Variants in DYNC2H1 observed in about 807,000 individuals in gnomAD.
DYNC2H1 encodes the protein cytoplasmic dynein 2 heavy chain 1.
Under a neutral mutation model 570.0 loss-of-function variants are expected in DYNC2H1, and 410 were observed. The observed-to-expected ratio is 0.72, with a 90% CI of 0.66 to 0.78. The LOEUF (loss-of-function observed/expected upper bound fraction) is 0.78. Among genes scored for constraint, DYNC2H1 ranks in the 30% least tolerant of loss-of-function variants. The pLI, the probability that DYNC2H1 is intolerant of heterozygous loss-of-function variation, is 0.00. For missense variants in DYNC2H1, 4,865 were observed against 5,046.4 expected (o/e 0.96, Z 1.09); for synonymous variants, 1,688 against 1,677.6 (o/e 1.01, Z -0.15).
chr11:103,173,958 T>C, intron 35 of DYNC2H1, 97 bp from the exon 36 acceptor site: 1 of 781,486 alleles, frequency 1.3e-6, no homozygotes, highest in East Asian at 2.7e-5. Flanking sequence ...CATTCATTTC[T>C]ATGTGTCAGT....
chr11:103,245,259 C>A lies in DYNC2H1; in HGVS notation c.9927C>A (p.Asn3309Lys). Residue 3309 changes from asparagine (N) to lysine (K), a missense_variant, in exon 65 of 89, where the codon AAC (asparagine) becomes AAA (lysine). Transcript: ENST00000375735. The surrounding 1 kb of genome is among the most constrained non-coding windows in gnomAD (Gnocchi z 4.5). ...RLEVINQQDS[N>K]FITALELAVR... ...CTTTTTTATTCAATTAGGATAGTAA[C>A]TTTATCACAGCTCTTGAATTAGCAG... 6.5e-7 allele frequency: 1 copy of A among 1,538,948 alleles called. No individual in the cohort carries two copies. The highest frequency in any genetic ancestry group is 8.8e-7 in the Non-Finnish European group (1 of 1,138,750).
chr11:103,399,833 A>C lies in DYNC2H1; in HGVS notation c.12327A>C (p.Ser4109=). ...TCAGAGGAACTACTTTACTGAGTTCAGAAGTACAAAAATTGGCAAGTGCTT... is the reference window on the plus strand; with the variant it reads ...TCAGAGGAACTACTTTACTGAGTTCCGAAGTACAAAAATTGGCAAGTGCTT... ...KVIRGTTLLS[S]EVQKLASALL... is the part of the protein sequence containing the mutation. The change falls in exon 84 of 89, where the codon TCA becomes TCC. Residue 4109 remains serine, a synonymous_variant. Coordinates refer to ENST00000375735, the MANE Select transcript of DYNC2H1 (RefSeq NM_001377.3). The C allele has an allele frequency of 6.2e-7, 1 of 1,613,888 alleles. No individual in the cohort carries two copies. Among genetic ancestry groups the C allele is most frequent in the Non-Finnish European group, 8.5e-7 (1 of 1,179,846 alleles).
At chr11:103,388,488 C>T (rs1341336657) in intron 83 of DYNC2H1, among the ~76,000 whole-genome samples, 1 of 152,170 alleles carries the variant, frequency 6.6e-6, no homozygotes, top group African/African-American at 2.4e-5. Context: ...AATTGAATAT[C>T]CTTTATTTCC....
At chr11:103,417,893 G>A (rs1943345129) in intron 84 of DYNC2H1, among the ~76,000 whole-genome samples, 1 of 147,092 alleles carries the variant, frequency 6.8e-6, no homozygotes, top group Non-Finnish European at 1.5e-5. Flanking sequence ...AAAAAAAATT[G>A]ATCAATGTTA....
In DYNC2H1 at chr11:103,307,704, T is replaced by C. The variant is rs374121825; in HGVS notation, c.11383-17T>C. 4.9e-6 allele frequency: 7 copies of C among 1,441,256 alleles called. No homozygotes were observed. In the African/African-American group the frequency reaches 9.9e-5, roughly 20 times the overall value. The allele number at this position is 1,441,256 out of a possible 1,614,324, so 89.3% of individuals were successfully genotyped here. The stretch of plus-strand genomic sequence containing the variant: ...TATATATTTAAGTAAATTTTTGTCA[T>C]TGGTTTTGTAAACAAGGAATTGAAT... On this transcript the variant is annotated splice_polypyrimidine_tract_variant and intron_variant, in intron 77 of 88. Coordinates refer to ENST00000375735, the MANE Select transcript of DYNC2H1 (RefSeq NM_001377.3).
At chr11:103,195,658 G>A (rs1215172161) in intron 47 of DYNC2H1, among the ~76,000 whole-genome samples, 1 of 152,068 alleles carries the variant, frequency 6.6e-6, no homozygotes, top group African/African-American at 2.4e-5. Flanking sequence ...TAGAATAATC[G>A]TTTCTGAATC....
intron 75 of DYNC2H1, among the ~76,000 whole-genome samples, chr11:103,288,358 C>T (rs1044065555): frequency 1.3e-5 from 2 of 152,094 alleles, no homozygotes; most frequent in Non-Finnish European, 2.9e-5. Flanking sequence ...GCCAAACTGA[C>T]TCCATCTTGC....
At chr11:103,335,374 A>C (rs890016381) in intron 82 of DYNC2H1, among the ~76,000 whole-genome samples, 4 of 152,084 alleles carry the variant, frequency 2.6e-5, no homozygotes, top group Non-Finnish European at 5.9e-5. Context: ...GGAATGTTTC[A>C]ATCAGAAGCT....
intron 83 of DYNC2H1, among the ~76,000 whole-genome samples, chr11:103,386,666 A>G (rs1052177129): frequency 6.6e-6 from 1 of 152,000 alleles, no homozygotes; most frequent in African/African-American, 2.4e-5. Context: ...CCACCCCACA[A>G]CAGGCCCCAG....
chr11:103,116,818 G>A (rs1253793874), intron 5 of DYNC2H1, 104 bp downstream of exon 5: 1 of 1,007,760 alleles, frequency 9.9e-7, no homozygotes, highest in African/African-American at 1.6e-5. Context: ...ATGTAATACT[G>A]TAACTCTTAA....
In DYNC2H1 at chr11:103,395,948, T is replaced by G. The variant is rs909673712; in HGVS notation, c.12157-3715T>G. On this transcript the variant is annotated intron_variant, in intron 83 of 88. Transcript: ENST00000375735. This position sits in a 1 kb window ranked among gnomAD's most constrained non-coding sequence, Gnocchi z 4.3. ...GGTATTTTTCCCTTTTCTTTAACCC[T>G]TACAGATCCACTCCAACTTTGTTTT... Among the ~76,000 whole-genome samples, 2 of 152,202 alleles carry G rather than the reference T, an allele frequency of 1.3e-5. No homozygotes were observed. The highest frequency in any genetic ancestry group is 2.9e-5 in the Non-Finnish European group (2 of 68,034).
chr11:103,220,186 C>A (rs1433371787), intron 56 of DYNC2H1, among the ~76,000 whole-genome samples, 158 bp downstream of exon 56: 1 of 152,064 alleles, frequency 6.6e-6, no homozygotes, highest in African/African-American at 2.4e-5. Flanking sequence ...AGAAGGAAAG[C>A]CTTCCAGGAA....
In DYNC2H1 at chr11:103,156,645, G is replaced by A. The variant is rs886047562; in HGVS notation, c.4002G>A (p.Glu1334=). Residue 1334 remains glutamate (E), a synonymous_variant, in exon 26 of 89, where the codon GAG becomes GAA. Coordinates refer to ENST00000375735, the MANE Select transcript of DYNC2H1 (RefSeq NM_001377.3). Reference sequence around the variant, plus strand: ...CAATTTGGGAAAGAAAACTTGCAGAGTTAGATGAATACCTGCAGAATTTAA... The same window carrying A: ...CAATTTGGGAAAGAAAACTTGCAGAATTAGATGAATACCTGCAGAATTTAA... ...KVSIWERKLA[E]LDEYLQNLNH... is the part of the protein sequence containing the mutation. The A allele has an allele frequency of 2.4e-5, 39 of 1,613,426 alleles. No homozygotes were observed. The highest frequency in any genetic ancestry group is 3.1e-5 in the Non-Finnish European group (37 of 1,179,654).
intron 85 of DYNC2H1, among the ~76,000 whole-genome samples, chr11:103,450,284 G>A (rs630477): frequency 0.36 from 54,171 of 152,070 alleles, 10,240 homozygotes; most frequent in African/African-American, 0.48. Context: ...ACGCCTCTCA[G>A]TAACTGAAAG....
intron 85 of DYNC2H1, among the ~76,000 whole-genome samples, chr11:103,452,544 C>CT (rs879294334): frequency 2.7e-4 from 39 of 145,984 alleles, no homozygotes; most frequent in East Asian, 1.4e-3. Context: ...ATATGGAAAA[C>CT]TTTTTTTTTT....
At chr11:103,221,738 C>T (rs567375884) in intron 57 of DYNC2H1, among the ~76,000 whole-genome samples, 28 of 152,234 alleles carry the variant, frequency 1.8e-4, no homozygotes, top group African/African-American at 6.5e-4. Flanking sequence ...CACCTGTGGT[C>T]CCAGCTACTT....
chr11:103,410,222 G>A (rs1463796435), intron 84 of DYNC2H1, among the ~76,000 whole-genome samples: 3 of 152,094 alleles, frequency 2.0e-5, no homozygotes, highest in African/African-American at 7.2e-5. Context: ...GTGACAGGCA[G>A]TGTGTGTGTG....
At chr11:103,265,021 TC>T (rs1865452664) in intron 70 of DYNC2H1, among the ~76,000 whole-genome samples, 5 of 152,062 alleles carry the variant, frequency 3.3e-5, no homozygotes, top group African/African-American at 1.2e-4. Context: ...TTCAGCAAAG[TC>T]TCAGGATACA....
In DYNC2H1 at chr11:103,133,487, A is replaced by G. The variant is rs1430683391; in HGVS notation, c.1954-68A>G. On this transcript the variant is annotated intron_variant, in intron 13 of 88. Transcript: ENST00000375735. The surrounding 1 kb of genome is among the most constrained non-coding windows in gnomAD (Gnocchi z 4.8). ...AGTTGGGGATAGTTGAACTTTTGAT[A>G]TAGAATATTGAAACTTTTGGAAAAA... 6.9e-7 allele frequency: 1 copy of G among 1,450,314 alleles called. No homozygotes were observed. The highest frequency in any genetic ancestry group is 9.3e-7 in the Non-Finnish European group (1 of 1,076,788). The allele number at this position is 1,450,314 out of a possible 1,614,324, so 89.8% of individuals were successfully genotyped here.
Sources: allele counts gnomAD v4.1 joint callset (sites outside exome capture counted in the v4.1 genomes callset), GRCh38; gene constraint gnomAD v4.1.1; non-coding constraint Gnocchi (gnomAD v3.1); transcripts MANE v1.5; gene names NCBI Gene and HGNC (gene_info 2026-07-23, HGNC 2026-07-21).